The following DPYD variants were observed in gnomAD, a reference collection of about 807,000 sequenced individuals.
The protein encoded by DPYD is dihydropyrimidine dehydrogenase [NADP(+)].
In DPYD, 109 loss-of-function variants were observed where a neutral mutation model predicts 116.2. The ratio of observed to expected loss-of-function variants is 0.94; its 90% CI spans 0.80 to 1.10. The LOEUF is 1.10. DPYD is among the 50% of genes least tolerant of loss of function. DPYD has a pLI of 0.00. For synonymous variants in DPYD, 440 were observed against 432.0 expected (o/e 1.02, Z -0.23); for missense variants, 1,302 against 1,254.5 (o/e 1.04, Z -0.57).
chr1:97,731,456 A>G (rs186945836), intron 4 of DPYD, among the ~76,000 whole-genome samples: 84 of 152,244 alleles, frequency 5.5e-4, no homozygotes, highest in Non-Finnish European at 1.0e-3. Flanking sequence ...GAAGTCTATT[A>G]CATTATACTT....
At chr1:97,812,462 ATATT>A (rs1557980349) in intron 3 of DPYD, among the ~76,000 whole-genome samples, 2 of 152,128 alleles carry the variant, frequency 1.3e-5, no homozygotes, top group African/African-American at 4.8e-5. Context: ...TGTGTGTATA[ATATT>A]TATGTATGTC....
At chr1:97,399,539 A>G (rs1447175505) in intron 14 of DPYD, among the ~76,000 whole-genome samples, 2 of 152,176 alleles carry the variant, frequency 1.3e-5, no homozygotes, top group Non-Finnish European at 2.9e-5. Flanking sequence ...TACCTTGGGC[A>G]GTATGGCCAT....
chr1:97,303,460 G>A (rs775111928), intron 18 of DPYD, among the ~76,000 whole-genome samples: 13 of 151,868 alleles, frequency 8.6e-5, no homozygotes, highest in African/African-American at 1.2e-4. Context: ...TACAACTCTC[G>A]TAAAATTTGA....
At chr1:97,855,882 G>C (rs961896221) in intron 2 of DPYD, 3 of 152,176 alleles carry the variant, frequency 2.0e-5, no homozygotes, top group African/African-American at 7.2e-5. Flanking sequence ...AAATGTGTAG[G>C]AAACAAGTTC....
At chr1:97,425,660 T>C (rs1430299305) in intron 14 of DPYD, among the ~76,000 whole-genome samples, 9 of 152,212 alleles carry the variant, frequency 5.9e-5, no homozygotes, top group African/African-American at 9.6e-5. Context: ...TGAACTTCAA[T>C]AGCCAGAAAA....
At chr1:97,396,170 A>G (rs1672995297) in intron 14 of DPYD, among the ~76,000 whole-genome samples, 2 of 152,034 alleles carry the variant, frequency 1.3e-5, no homozygotes. Context: ...AGAATTTCAC[A>G]TGACTTATCT....
intron 3 of DPYD, 67 bp from the exon 4 acceptor site, chr1:97,740,546 A>G (rs1664204916): frequency 7.6e-7 from 1 of 1,320,174 alleles, no homozygotes; most frequent in South Asian, 1.2e-5. Flanking sequence ...TCTACCTTAT[A>G]CTCATTCAGA....
intron 14 of DPYD, among the ~76,000 whole-genome samples, chr1:97,390,988 A>G (rs1570651005): frequency 6.8e-6 from 1 of 146,560 alleles, no homozygotes; most frequent in East Asian, 2.0e-4. Context: ...ACTACTAACC[A>G]CCTCCAGTTT....
At chr1:97,268,603 G>A (rs1022505110) in intron 18 of DPYD, among the ~76,000 whole-genome samples, 7 of 152,108 alleles carry the variant, frequency 4.6e-5, no homozygotes, top group Non-Finnish European at 1.0e-4. Flanking sequence ...ACCTTCTGGA[G>A]TGATGGATCA....
chr1:97,193,376 T>A (rs116114040), intron 19 of DPYD, 128 bp from the exon 20 acceptor site: 3 of 957,782 alleles, frequency 3.1e-6, no homozygotes, highest in Non-Finnish European at 3.2e-6. Context: ...GATGGATCAG[T>A]AGCCGTCTGG....
intron 2 of DPYD, chr1:97,856,963 G>T (rs991551508): frequency 6.6e-6 from 1 of 152,128 alleles, no homozygotes; most frequent in African/African-American, 2.4e-5. Context: ...TCTGTTAAAC[G>T]GCAGCTATTA....
chr1:97,276,226 G>T (rs958049517), intron 18 of DPYD, among the ~76,000 whole-genome samples: 1 of 151,952 alleles, frequency 6.6e-6, no homozygotes, highest in Non-Finnish European at 1.5e-5. Context: ...TTTCTTCTAG[G>T]ACTCTTAATG....
chr1:97,507,076 A>C (rs1005694098), intron 13 of DPYD, among the ~76,000 whole-genome samples: 2 of 152,054 alleles, frequency 1.3e-5, no homozygotes, highest in African/African-American at 4.8e-5. Context: ...AGAGCTTGCT[A>C]AATAGTCTTG....
chr1:97,450,502 G>A (rs546243734), intron 13 of DPYD, among the ~76,000 whole-genome samples: 1 of 152,008 alleles, frequency 6.6e-6, no homozygotes, highest in Non-Finnish European at 1.5e-5. Context: ...CTCATTTAGG[G>A]CATACTCATT....
intron 20 of DPYD, among the ~76,000 whole-genome samples, chr1:97,109,631 A>G (rs1308592182): frequency 6.6e-6 from 1 of 152,100 alleles, no homozygotes; most frequent in Non-Finnish European, 1.5e-5. Flanking sequence ...TTTATGCAAT[A>G]TGATACCTAA....
In DPYD at chr1:97,582,596, C is replaced by T. The variant is rs759902071; in HGVS notation, c.1129-8626G>A. 2.6e-4 allele frequency among the ~76,000 whole-genome samples: 40 copies of T among 152,058 alleles called. 1 individual carries two copies. The highest frequency in any genetic ancestry group is 2.4e-3 in the Admixed American group (36 of 15,256). On this transcript the variant is annotated intron_variant, in intron 10 of 22. Transcript: ENST00000370192. ...TTTTTATATGTTAATTAATCTCTGG[C>T]CTGTACAAGCAAATTCTGCAATTAT... is the stretch of plus-strand genomic sequence containing the variant.
intron 2 of DPYD, among the ~76,000 whole-genome samples, chr1:97,839,978 T>A (rs1298442046): frequency 6.6e-6 from 1 of 152,194 alleles, no homozygotes; most frequent in Non-Finnish European, 1.5e-5. Flanking sequence ...TATTTTTAGA[T>A]ATTGCCTATT....
At chr1:97,713,468 A>G (rs577457428) in intron 5 of DPYD, among the ~76,000 whole-genome samples, 1 of 152,290 alleles carries the variant, frequency 6.6e-6, no homozygotes, top group South Asian at 2.1e-4. Flanking sequence ...TGTAATAAAA[A>G]TCATCTAGCA....
intron 1 of DPYD, among the ~76,000 whole-genome samples, chr1:97,885,833 A>C (rs547864932): frequency 6.6e-6 from 1 of 152,178 alleles, no homozygotes; most frequent in East Asian, 1.9e-4. Flanking sequence ...TCACTTTTTG[A>C]GATATAAGGT....
Sources: gnomAD v4.1 joint callset for allele counts (sites outside exome capture counted in the v4.1 genomes callset) on GRCh38, gnomAD v4.1.1 for gene constraint, MANE v1.5 for transcripts, NCBI Gene and HGNC (gene_info 2026-07-23, HGNC 2026-07-21) for gene names.